MON2: variants seen among roughly 807,000 people sequenced by gnomAD.
MON2 encodes the protein protein MON2 homolog.
A neutral mutation model predicts 208.6 loss-of-function variants in MON2; 84 were observed. The observed-to-expected ratio is 0.40, with a 90% confidence interval of 0.34 to 0.48. The LOEUF is 0.48. Among genes scored for constraint, MON2 ranks in the 20% least tolerant of loss-of-function variants. The pLI, the probability that MON2 is intolerant of heterozygous loss-of-function variation, is 0.59. For missense variants in MON2, 1,611 were observed against 2,015.4 expected, an observed-to-expected ratio of 0.80 and a Z score of 3.84; for synonymous variants, 660 against 694.0, an observed-to-expected ratio of 0.95 and a Z score of 0.77.
rs548140957 is a variant in MON2, at chr12:62,476,571, A to G, written c.112-7599A>G. On this transcript the variant is annotated intron_variant, in intron 1 of 34. Transcript: ENST00000393630. ...TGCCTCAGCCTCCTGAGTAGCTGGT[A>G]TTACAGGTGCACACCACTACTGACC... 3.0e-4 allele frequency among the ~76,000 whole-genome samples: 46 copies of G among 152,020 alleles called. No individual in the cohort carries two copies. The East Asian group carries it at 7.0e-3, about 23-fold the overall frequency.
At chr12:62,511,283 G>A (rs1371827361) in intron 8 of MON2, among the ~76,000 whole-genome samples, 1 of 152,044 alleles carries the variant, frequency 6.6e-6, no homozygotes, top group Non-Finnish European at 1.5e-5. Context: ...GAATCTCAAG[G>A]GACCCCAAAT....
At chr12:62,517,839 A>G (rs1021221326) in intron 8 of MON2, among the ~76,000 whole-genome samples, 2 of 152,210 alleles carry the variant, frequency 1.3e-5, no homozygotes, top group Admixed American at 6.5e-5. Flanking sequence ...TTATTTAACA[A>G]TTTATCTAAT....
Position 62,537,585 on chromosome 12 carries a change from TC to T in MON2, c.2014-15del. On this transcript the variant is annotated splice_polypyrimidine_tract_variant and intron_variant, in intron 15 of 34. Coordinates refer to ENST00000393630, the MANE Select transcript of MON2 (RefSeq NM_015026.3). ...ATACATAACAATTATTGAAAATGTA[TC>T]CTTTTTAAAATATAGCTGACTTCCA... 1 of 1,548,842 alleles carries T rather than the reference TC, an allele frequency of 6.5e-7. No individual in the cohort carries two copies. Among genetic ancestry groups the T allele is most frequent in the Non-Finnish European group, 8.8e-7 (1 of 1,131,556 alleles).
intron 1 of MON2, among the ~76,000 whole-genome samples, chr12:62,467,648 T>A (rs916658806): frequency 1.3e-5 from 2 of 152,188 alleles, no homozygotes; most frequent in African/African-American, 4.8e-5. Context: ...GAAAAACTTG[T>A]TTGTTGCTCC....
chr12:62,535,495 A>C (rs760856054), intron 13 of MON2, 30 bp from the exon 14 acceptor site: 1 of 1,488,336 alleles, frequency 6.7e-7, no homozygotes, highest in African/African-American at 1.4e-5. Flanking sequence ...AAATAAGTTA[A>C]TCAGATTAAA....
intron 25 of MON2, chr12:62,559,993 A>C (rs7311952): frequency 0.24 from 36,760 of 152,842 alleles, 5,174 homozygotes; most frequent in Middle Eastern, 0.41. Context: ...GGGTAGACTG[A>C]AGATGTTACT....
chr12:62,523,485 C>A (rs1196991320), intron 8 of MON2, among the ~76,000 whole-genome samples: 1 of 152,056 alleles, frequency 6.6e-6, no homozygotes, highest in Non-Finnish European at 1.5e-5. Flanking sequence ...ATATACTTAC[C>A]CAGTCATTAG....
intron 21 of MON2, chr12:62,545,523 T>C (rs775486147): frequency 1.3e-5 from 2 of 152,184 alleles, no homozygotes; most frequent in African/African-American, 2.4e-5. Flanking sequence ...CTACCAAAGT[T>C]TTATTGTTTC....
At chr12:62,534,542 A>AAAAAAAAAATATATAT (rs1555169522) in intron 12 of MON2, among the ~76,000 whole-genome samples, 2 of 22,850 alleles carry the variant, frequency 8.8e-5, no homozygotes, top group Admixed American at 7.4e-4. Flanking sequence ...AAAAAAAAAA[A>AAAAAAAAAATATATAT]ATATATATAT....
At chr12:62,534,526 A>T (rs1206617066) in intron 12 of MON2, among the ~76,000 whole-genome samples, 2 of 49,972 alleles carry the variant, frequency 4.0e-5, no homozygotes, top group Middle Eastern at 9.6e-3. Flanking sequence ...CGCAAAAAAA[A>T]AAAAAAAAAA....
chr12:62,468,862 A>C (rs190654885), intron 1 of MON2, among the ~76,000 whole-genome samples: 35 of 152,298 alleles, frequency 2.3e-4, no homozygotes, highest in African/African-American at 8.4e-4. Context: ...CTGACTTCGC[A>C]GTTCTAATAA....
chr12:62,484,395 T>G (rs536065273), intron 2 of MON2, among the ~76,000 whole-genome samples, 162 bp downstream of exon 2: 3 of 152,322 alleles, frequency 2.0e-5, no homozygotes, highest in South Asian at 4.1e-4. Flanking sequence ...CCATAACTTA[T>G]GAACTGACTG....
chr12:62,520,921 T>C (rs1174321397), intron 8 of MON2, among the ~76,000 whole-genome samples: 1 of 148,152 alleles, frequency 6.7e-6, no homozygotes, highest in African/African-American at 2.5e-5. Flanking sequence ...AAAAAAGACA[T>C]GTACTTATGG....
intron 32 of MON2, among the ~76,000 whole-genome samples, chr12:62,581,606 C>T (rs115421449): frequency 3.3e-5 from 5 of 152,084 alleles, no homozygotes; most frequent in South Asian, 2.1e-4. Context: ...GAGGCCGAGA[C>T]GGGCAGATCA....
At position 62,580,344 on chromosome 12, in the gene MON2, T is replaced by C; in HGVS notation, c.4623T>C (p.Ile1541=). Residue 1541 remains isoleucine, a synonymous_variant, in exon 32 of 35, where the codon ATT becomes ATC. Transcript: ENST00000393630. ...SNEILPYANF[I]PKEFVGQIMT... is the part of the protein sequence containing the mutation. The stretch of plus-strand genomic sequence containing the variant: ...AGATACTACCTTATGCCAATTTTAT[T>C]CCTAAGGAATTTGTTGGTCAAATAA... The C allele has an allele frequency of 6.2e-7, 1 of 1,609,028 alleles. No homozygotes were observed. The highest frequency in any genetic ancestry group is 8.5e-7 in the Non-Finnish European group (1 of 1,175,844).
At chr12:62,566,886 TA>T (rs1005670610) in intron 29 of MON2, among the ~76,000 whole-genome samples, 7 of 151,946 alleles carry the variant, frequency 4.6e-5, no homozygotes, top group African/African-American at 1.7e-4. Flanking sequence ...AAAGTATAAT[TA>T]AAAAAAATTT....
chr12:62,515,526 G>T (rs956773970), intron 8 of MON2, among the ~76,000 whole-genome samples: 1 of 152,120 alleles, frequency 6.6e-6, no homozygotes, highest in Admixed American at 6.6e-5. Context: ...AGATAAAAAA[G>T]TTCTAGAGCC....
At chr12:62,502,407 TAAAAA>T (rs549207731) in intron 7 of MON2, among the ~76,000 whole-genome samples, 2 of 135,392 alleles carry the variant, frequency 1.5e-5, no homozygotes, top group Non-Finnish European at 3.2e-5. Context: ...TTTCTTAAAT[TAAAAA>T]AAAAAAAAAG....
At chr12:62,539,933 C>T (rs1050114961) in intron 19 of MON2, among the ~76,000 whole-genome samples, 6 of 151,874 alleles carry the variant, frequency 4.0e-5, no homozygotes, top group Admixed American at 1.3e-4. Context: ...TGTGCCACTG[C>T]GCTCCAGCCT....
Sources: allele counts gnomAD v4.1 joint callset (sites outside exome capture counted in the v4.1 genomes callset), GRCh38; gene constraint gnomAD v4.1.1; transcripts MANE v1.5; gene names NCBI Gene and HGNC (gene_info 2026-07-23, HGNC 2026-07-21).